The following INSL6 variants were observed in gnomAD, a reference collection of about 807,000 sequenced individuals.
INSL6 encodes the protein insulin like 6.
In INSL6, 16 loss-of-function variants were observed where a neutral mutation model predicts 9.4. The observed-to-expected ratio is 1.70, with a 90% CI of 1.15 to 2.59. The LOEUF (loss-of-function observed/expected upper bound fraction) is 2.59, where lower values mean the gene tolerates loss of function less well. INSL6 is among the 30% of genes most tolerant of loss of function. The probability of loss-of-function intolerance (pLI) is 0.00; values close to 1 mark genes in which losing one functional copy is unlikely to be tolerated. For synonymous variants in INSL6, 154 were observed against 96.9 expected, an observed-to-expected ratio of 1.59 and a Z score of -3.46; for missense variants, 391 against 257.3, an observed-to-expected ratio of 1.52 and a Z score of -3.56.
At chr9:5,021,963 G>T in the INSL6 span, 1 of 1,546,492 alleles carries the variant, frequency 6.5e-7, no homozygotes, top group African/African-American at 1.4e-5. Context: ...TCTCTTACAG[G>T]CAAATGTTCT....
At chr9:5,170,556 C>CTTT (rs202135593) in intron 1 of INSL6, among the ~76,000 whole-genome samples, 2 of 138,328 alleles carry the variant, frequency 1.4e-5, no homozygotes, top group African/African-American at 5.3e-5. Context: ...AATCCAGGGG[C>CTTT]TTTTTTTTTT....
chr9:5,046,317 A>G, the INSL6 span, among the ~76,000 whole-genome samples: 3 of 152,162 alleles, frequency 2.0e-5, no homozygotes, highest in Admixed American at 2.0e-4. Context: ...AACTCCTTAT[A>G]AGATACATGA....
rs759652062 is a variant in INSL6, at chr9:5,185,351, T to A, written c.252A>T (p.Gln84His). Reference protein sequence around the residue: ...AYSPYQFESPQTASPARGRGT... With the variant: ...AYSPYQFESPHTASPARGRGT... ...CTCTTCCCCGGGCCGGGGAAGCGGT[T>A]TGCGGGCTTTCGAACTGGTATGGGC... Residue 84 changes from glutamine (Q) to histidine (H), a missense_variant, in exon 1 of 2, where the codon CAA (glutamine) becomes CAT (histidine). Physicochemically the swap from Gln to His is conservative, Grantham distance 24. Coordinates refer to ENST00000381641, the MANE Select transcript of INSL6 (RefSeq NM_007179.3). The A allele has an allele frequency of 2.0e-5, 33 of 1,614,106 alleles. No individual in the cohort carries two copies. The highest frequency in any genetic ancestry group is 2.6e-5 in the Non-Finnish European group (31 of 1,179,992).
chr9:5,046,477 A>G, the INSL6 span, among the ~76,000 whole-genome samples: 1 of 152,166 alleles, frequency 6.6e-6, no homozygotes, highest in Non-Finnish European at 1.5e-5. Flanking sequence ...ATCATTGCCA[A>G]ATCCAATGTT....
At chr9:5,162,051 C>T (rs1285905134), downstream of INSL6, among the ~76,000 whole-genome samples, 4 of 151,982 alleles carry the variant, frequency 2.6e-5, no homozygotes, top group South Asian at 6.2e-4. Context: ...TGCATTCTAG[C>T]CTAGGCAACA....
intron 1 of INSL6, among the ~76,000 whole-genome samples, chr9:5,176,692 G>A (rs1825315913): frequency 6.8e-6 from 1 of 147,838 alleles, no homozygotes; most frequent in South Asian, 2.1e-4. Flanking sequence ...TGCCCTTTAA[G>A]CCTGGGAACA....
the INSL6 span, among the ~76,000 whole-genome samples, chr9:5,032,164 C>A: frequency 6.6e-6 from 1 of 152,208 alleles, no homozygotes; most frequent in Non-Finnish European, 1.5e-5. Context: ...GCACAGCAGT[C>A]TGAGATCAAA....
At chr9:5,089,222 A>G in the INSL6 span, among the ~76,000 whole-genome samples, 1 of 152,162 alleles carries the variant, frequency 6.6e-6, no homozygotes, top group Non-Finnish European at 1.5e-5. Flanking sequence ...TTCTTGTTCT[A>G]AGAGTTCCTT....
the INSL6 span, among the ~76,000 whole-genome samples, chr9:5,040,422 G>C: frequency 2.0e-4 from 30 of 152,236 alleles, no homozygotes; most frequent in Non-Finnish European, 3.2e-4. Context: ...GACACCAAAA[G>C]CTCAAGTGAC....
chr9:5,004,123 A>G, the INSL6 span, among the ~76,000 whole-genome samples: 1 of 152,228 alleles, frequency 6.6e-6, no homozygotes, highest in South Asian at 2.1e-4. Context: ...CACCTCACAT[A>G]CTTATCTTTT....
chr9:5,163,987 T>C lies in INSL6; in HGVS notation c.568A>G (p.Ile190Val), dbSNP rs755172710. 6.2e-7 allele frequency: 1 copy of C among 1,612,814 alleles called. No homozygotes were observed. Among genetic ancestry groups the C allele is most frequent in the Non-Finnish European group, 8.5e-7 (1 of 1,179,724 alleles). ...AAATCAATATATGGAAGACATGCAATGCTAAGTTCTTCTTTTGTACATCCT... is the reference window on the plus strand; with the variant it reads ...AAATCAATATATGGAAGACATGCAACGCTAAGTTCTTCTTTTGTACATCCT... ...LTGCTKEELSIACLPYIDFKR... is the reference protein window; with the variant it reads ...LTGCTKEELSVACLPYIDFKR... Residue 190 changes from isoleucine to valine, a missense_variant, in exon 2 of 2, where the codon ATT becomes GTT. Ile to Val is a conservative substitution (Grantham distance 29, BLOSUM62 3). Transcript: ENST00000381641.
chr9:5,169,153 T>C (rs557158887), intron 1 of INSL6, among the ~76,000 whole-genome samples: 2 of 152,304 alleles, frequency 1.3e-5, no homozygotes, highest in Admixed American at 6.5e-5. Context: ...CTCAAACTCC[T>C]GACCTCAGGT....
intron 2 of INSL6, among the ~76,000 whole-genome samples, chr9:5,147,060 G>A (rs964829534): frequency 2.0e-5 from 3 of 152,144 alleles, no homozygotes; most frequent in Admixed American, 6.5e-5. Flanking sequence ...TCTTATGGGA[G>A]CAAGCCAAGC....
At chr9:5,086,919 A>G in the INSL6 span, among the ~76,000 whole-genome samples, 1 of 152,172 alleles carries the variant, frequency 6.6e-6, no homozygotes, top group African/African-American at 2.4e-5. Flanking sequence ...GGTATCCACA[A>G]TTATATCACC....
At chr9:5,184,751 G>C (rs1166225967) in intron 1 of INSL6, among the ~76,000 whole-genome samples, 1 of 152,188 alleles carries the variant, frequency 6.6e-6, no homozygotes, top group Non-Finnish European at 1.5e-5. Flanking sequence ...TAGGAGAACG[G>C]ACCAGGCCTA....
chr9:5,026,624 T>C, the INSL6 span, among the ~76,000 whole-genome samples: 1 of 152,180 alleles, frequency 6.6e-6, no homozygotes, highest in Non-Finnish European at 1.5e-5. Context: ...TTAATTGAAG[T>C]GTGGTTAGAG....
the INSL6 span, among the ~76,000 whole-genome samples, chr9:5,075,049 A>G: frequency 6.6e-6 from 1 of 152,242 alleles, no homozygotes; most frequent in South Asian, 2.1e-4. Context: ...CATTCCCTTG[A>G]GCCAAAGCCC....
chr9:4,996,633 A>G, the INSL6 span, among the ~76,000 whole-genome samples: 26 of 151,892 alleles, frequency 1.7e-4, 1 homozygote, highest in East Asian at 4.8e-3. Context: ...CTTCAGTTGT[A>G]ATGATATTGC....
chr9:5,111,190 C>T, the INSL6 span: 1 of 674,926 alleles, frequency 1.5e-6, no homozygotes. Context: ...ATTCACATTC[C>T]TGGGACCGGG....
Sources: gnomAD v4.1 joint callset for allele counts (sites outside exome capture counted in the v4.1 genomes callset) on GRCh38, gnomAD v4.1.1 for gene constraint, MANE v1.5 for transcripts, NCBI Gene and HGNC (gene_info 2026-07-23, HGNC 2026-07-21) for gene names.